The following HSD11B1L variants were observed in gnomAD, a reference collection of about 807,000 sequenced individuals.
The protein encoded by HSD11B1L is hydroxysteroid 11-beta dehydrogenase 1 like.
HSD11B1L carries 22 observed loss-of-function variants against 27.0 expected under a neutral mutation model. That is an observed-to-expected ratio of 0.81 (90% confidence interval 0.58 to 1.16). HSD11B1L has a LOEUF of 1.16. HSD11B1L is among the 50% of genes most tolerant of loss of function. The pLI is 0.00. For synonymous variants in HSD11B1L, 187 were observed against 189.2 expected, an observed-to-expected ratio of 0.99 and a Z score of 0.09; for missense variants, 372 against 401.8, an observed-to-expected ratio of 0.93 and a Z score of 0.63.
At chr19:5,682,098 C>T (rs527782068) in intron 1 of HSD11B1L, among the ~76,000 whole-genome samples, 11 of 152,236 alleles carry the variant, frequency 7.2e-5, no homozygotes, top group South Asian at 6.2e-4. Flanking sequence ...TAGATGGGGC[C>T]GTGGGAGAGA....
Position 5,688,155 on chromosome 19 carries a change from G to T in HSD11B1L, c.*210G>T. ...CAGGTGCCCCGTGTTAGGCGCCTTT[G>T]TCGGGGACTTGCAAGGCCTCACCTG... On this transcript the variant is annotated 3_prime_UTR_variant, in exon 8 of 8. Transcript: ENST00000339423. 5.2e-6 allele frequency: 8 copies of T among 1,550,940 alleles called. No homozygotes were observed. Among genetic ancestry groups the T allele is most frequent in the Non-Finnish European group, 7.0e-6 (8 of 1,146,948 alleles).
chr19:5,687,129 A>G lies in HSD11B1L; in HGVS notation c.408+138A>G. The G allele has an allele frequency of 8.8e-7, 1 of 1,133,772 alleles. No individual in the cohort carries two copies. Among genetic ancestry groups the G allele is most frequent in the Non-Finnish European group, 1.3e-6 (1 of 797,006 alleles). 70.2% of individuals were successfully genotyped at this position (1,133,772 alleles called of 1,614,324 possible). On this transcript the variant is annotated intron_variant, in intron 5 of 7. Transcript: ENST00000339423. This position sits in a 1 kb window ranked among gnomAD's most constrained non-coding sequence, Gnocchi z 6.6. ...CCCCAGCCACGCCCCTCCTAGCCCA[A>G]GCCCCTGCTCCGGCCTTGACCCCGC...
In HSD11B1L at chr19:5,687,239, CT is replaced by C. The variant is rs745734511; in HGVS notation, c.409-42del. On this transcript the variant is annotated intron_variant, in intron 5 of 7. Coordinates refer to ENST00000339423, the MANE Select transcript of HSD11B1L (RefSeq NM_198706.3). The surrounding 1 kb of genome is among the most constrained non-coding windows in gnomAD (Gnocchi z 6.6). Reference sequence around the variant, plus strand: ...CTGGGTTTCTGGCCCCGCCCTGCCCCTGGGCTCCGCCTCTGCCGGTGACTCG... The same window carrying C: ...CTGGGTTTCTGGCCCCGCCCTGCCCCGGGCTCCGCCTCTGCCGGTGACTCG... 6.2e-7 allele frequency: 1 copy of C among 1,601,178 alleles called. No individual in the cohort carries two copies. Among genetic ancestry groups the C allele is most frequent in the African/African-American group, 1.3e-5 (1 of 74,644 alleles).
At chr19:5,684,264 C>T (rs2054630167) in intron 1 of HSD11B1L, 1 of 336,702 alleles carries the variant, frequency 3.0e-6, no homozygotes, top group Non-Finnish European at 5.4e-6. Flanking sequence ...GATTTGCCCG[C>T]CTCAGCCTCC....
intron 1 of HSD11B1L, chr19:5,684,338 A>T (rs2054631506): frequency 3.0e-6 from 1 of 330,582 alleles, no homozygotes; most frequent in Non-Finnish European, 5.5e-6. Flanking sequence ...TTTTGCACTG[A>T]GACTTGAAAG....
intron 3 of HSD11B1L, 122 bp from the exon 4 acceptor site, chr19:5,686,294 G>A (rs2054686847): frequency 4.4e-6 from 3 of 678,296 alleles, no homozygotes; most frequent in Non-Finnish European, 7.4e-6. Context: ...TGTTGAATGG[G>A]TCCCGAGGCT....
At chr19:5,684,077 G>T in intron 1 of HSD11B1L, 1 of 477,780 alleles carries the variant, frequency 2.1e-6, no homozygotes. Context: ...CCAGGTTCAA[G>T]CGATTCTCCT....
At chr19:5,682,889 C>T (rs1267933945) in intron 1 of HSD11B1L, among the ~76,000 whole-genome samples, 2 of 145,010 alleles carry the variant, frequency 1.4e-5, no homozygotes, top group African/African-American at 5.1e-5. Flanking sequence ...GCGATCTCAG[C>T]TCACTGCAAT....
At position 5,684,279 on chromosome 19, in the gene HSD11B1L, G is replaced by A. The variant is rs1357875775; in HGVS notation, c.-14-540G>A. On this transcript the variant is annotated intron_variant, in intron 1 of 7. Transcript: ENST00000339423. ...GATTTGCCCGCCTCAGCCTCCCAAA[G>A]TGCTGGGATTCCAGGCATGAGCCAC... The A allele has an allele frequency of 1.2e-5, 4 of 336,492 alleles. No individual in the cohort carries two copies. The East Asian group carries it at 1.8e-4, about 15-fold the overall frequency. The allele number at this position is 336,492 out of a possible 1,614,324, so 20.8% of individuals were successfully genotyped here. A position where few individuals can be genotyped will look rare whatever the true frequency, so the allele number is the denominator to read the frequency against.
chr19:5,685,352 G>C lies in HSD11B1L; in HGVS notation c.204+233G>C. 1.5e-6 allele frequency: 1 copy of C among 662,720 alleles called. No homozygotes were observed. The highest frequency in any genetic ancestry group is 3.1e-5 in the East Asian group (1 of 32,606). 41.1% of individuals were successfully genotyped at this position (662,720 alleles called of 1,614,324 possible). A position where few individuals can be genotyped will look rare whatever the true frequency, so the allele number is the denominator to read the frequency against. ...GCACTTTGGGAGGCCGAGGAAAGTG[G>C]ATCACCTGAGGTCAGGAGTTCAAGA... is the stretch of plus-strand genomic sequence containing the variant. On this transcript the variant is annotated intron_variant, in intron 3 of 7. Coordinates refer to ENST00000339423, the MANE Select transcript of HSD11B1L (RefSeq NM_198706.3). The surrounding 1 kb of genome is among the most constrained non-coding windows in gnomAD (Gnocchi z 4.3).
chr19:5,687,508 G>A lies in HSD11B1L; in HGVS notation c.508G>A (p.Val170Met). Reference protein sequence around the residue: ...LVVVSSLLGRVPTSFSTPYSA... With the variant: ...LVVVSSLLGRMPTSFSTPYSA... Reference sequence around the variant, plus strand: ...GCTGCCGTCCGCGCCCCCAGGCCGCGTGCCCACGTCGTTCTCCACTCCCTA... The same window carrying A: ...GCTGCCGTCCGCGCCCCCAGGCCGCATGCCCACGTCGTTCTCCACTCCCTA... The change falls in exon 7 of 8, where the codon GTG becomes ATG. Residue 170 changes from valine to methionine, a missense_variant. Coordinates refer to ENST00000339423, the MANE Select transcript of HSD11B1L (RefSeq NM_198706.3). The surrounding 1 kb of genome is among the most constrained non-coding windows in gnomAD (Gnocchi z 6.6). The A allele has an allele frequency of 1.9e-6, 3 of 1,596,964 alleles. No individual in the cohort carries two copies. The highest frequency in any genetic ancestry group is 2.5e-6 in the Non-Finnish European group (3 of 1,177,982).
In HSD11B1L at chr19:5,685,134, G is replaced by A; in HGVS notation, c.204+15G>A. 6.5e-7 allele frequency: 1 copy of A among 1,543,826 alleles called. No homozygotes were observed. The highest frequency in any genetic ancestry group is 8.7e-7 in the Non-Finnish European group (1 of 1,146,936). ...TCCTGCAGAAGGTGAGCCACCCCAT[G>A]TCTAGATGAATGGTGGGGGTGCTCA... On this transcript the variant is annotated intron_variant, in intron 3 of 7. Coordinates refer to ENST00000339423, the MANE Select transcript of HSD11B1L (RefSeq NM_198706.3). This position sits in a 1 kb window ranked among gnomAD's most constrained non-coding sequence, Gnocchi z 4.3.
At chr19:5,683,534 A>G (rs921374284) in intron 1 of HSD11B1L, among the ~76,000 whole-genome samples, 1 of 152,182 alleles carries the variant, frequency 6.6e-6, no homozygotes, top group African/African-American at 2.4e-5. Flanking sequence ...GAAGATTTCC[A>G]TTTCCTTCCT....
rs1020830291 is a variant in HSD11B1L at position 5,686,409 on chromosome 19, C to T, written c.205-7C>T. 1 of 1,556,746 alleles carries T rather than the reference C, an allele frequency of 6.4e-7. No individual in the cohort carries two copies. Among genetic ancestry groups the T allele is most frequent in the Non-Finnish European group, 8.7e-7 (1 of 1,150,042 alleles). ...AGAGGCCCACGGGCAGCTCTGGCCC[C>T]CCCCAGGTGGTAGGGAACTGCCGGA... On this transcript the variant is annotated splice_polypyrimidine_tract_variant and splice_region_variant and intron_variant, in intron 3 of 7. Transcript: ENST00000339423.
intron 1 of HSD11B1L, among the ~76,000 whole-genome samples, chr19:5,684,511 CAG>C (rs1331057918): frequency 1.3e-5 from 2 of 152,214 alleles, no homozygotes; most frequent in Admixed American, 6.5e-5. Context: ...CAGGTCCACA[CAG>C]GGCGTTTGTA....
Position 5,687,621 on chromosome 19 carries a change from G to A in HSD11B1L, c.621G>A (p.Met207Ile). ...AGGACGTGAACGTGGCCATCACCAT[G>A]TGCGTCCTGGGCCTCCGAGATCGCG... ...DVQDVNVAIT[M>I]CVLGLRDRAS... The change falls in exon 7 of 8, where the codon ATG becomes ATA. Residue 207 changes from methionine to isoleucine, a missense_variant. Transcript: ENST00000339423. This position sits in a 1 kb window ranked among gnomAD's most constrained non-coding sequence, Gnocchi z 6.6. 6.3e-7 allele frequency: 1 copy of A among 1,597,272 alleles called. No individual in the cohort carries two copies. The highest frequency in any genetic ancestry group is 8.5e-7 in the Non-Finnish European group (1 of 1,177,838).
chr19:5,687,414 G>C lies in HSD11B1L; in HGVS notation c.502+39G>C. 6.2e-7 allele frequency: 1 copy of C among 1,605,494 alleles called. No homozygotes were observed. The highest frequency in any genetic ancestry group is 8.5e-7 in the Non-Finnish European group (1 of 1,178,274). ...GCCCCGGCTCTGCGGGACGGGGAGT[G>C]GGGAGCTCGATGCGGGTGAGCCTGG... On this transcript the variant is annotated intron_variant, in intron 6 of 7. Transcript: ENST00000339423. The surrounding 1 kb of genome is among the most constrained non-coding windows in gnomAD (Gnocchi z 6.6).
At position 5,687,895 on chromosome 19, in the gene HSD11B1L, C is replaced by CTT; in HGVS notation, c.811_812insTT (p.Arg271LeufsTer101). On this transcript the variant is annotated frameshift_variant, in exon 8 of 8. Transcript: ENST00000339423. LOFTEE classifies it high-confidence loss of function. This position sits in a 1 kb window ranked among gnomAD's most constrained non-coding sequence, Gnocchi z 6.6. ...GCTCCGGCGCTGGCTACCGCGCCCG[C>CTT]GGGCCTGGTTTATCCGCCAGGAGCT... 1 of 1,578,894 alleles carries CTT rather than the reference C, an allele frequency of 6.3e-7. No individual in the cohort carries two copies.
chr19:5,687,222 C>G lies in HSD11B1L; in HGVS notation c.409-60C>G. On this transcript the variant is annotated intron_variant, in intron 5 of 7. Transcript: ENST00000339423. This position sits in a 1 kb window ranked among gnomAD's most constrained non-coding sequence, Gnocchi z 6.6. ...GGCCCTGGCCCCGCCCTCTGGGTTTCTGGCCCCGCCCTGCCCCTGGGCTCC... is the reference window on the plus strand; with the variant it reads ...GGCCCTGGCCCCGCCCTCTGGGTTTGTGGCCCCGCCCTGCCCCTGGGCTCC... 6.4e-7 allele frequency: 1 copy of G among 1,563,504 alleles called. No homozygotes were observed.
Sources: allele counts gnomAD v4.1 joint callset (sites outside exome capture counted in the v4.1 genomes callset), GRCh38; gene constraint gnomAD v4.1.1; non-coding constraint Gnocchi (gnomAD v3.1); transcripts MANE v1.5; gene names NCBI Gene and HGNC (gene_info 2026-07-23, HGNC 2026-07-21).